Variants in UTS2B observed in about 807,000 individuals in gnomAD.
UTS2B encodes urotensin 2B.
A neutral mutation model predicts 19.2 loss-of-function variants in UTS2B; 21 were observed. That is an observed-to-expected ratio of 1.09 (90% CI 0.78 to 1.58). The LOEUF is 1.58. Among genes scored for constraint, UTS2B ranks in the 40% most tolerant of loss-of-function variants. The pLI, the probability that UTS2B is intolerant of heterozygous loss-of-function variation, is 0.00. For synonymous variants in UTS2B, 57 were observed against 50.2 expected (o/e 1.14, Z -0.58); for missense variants, 138 against 130.3 (o/e 1.06, Z -0.29).
At chr3:191,338,753 A>C in the UTS2B span, among the ~76,000 whole-genome samples, 1 of 152,214 alleles carries the variant, frequency 6.6e-6, no homozygotes, top group South Asian at 2.1e-4. Flanking sequence ...GAGTTGTTCC[A>C]GCTCTCAAAT....
intron 4 of UTS2B, among the ~76,000 whole-genome samples, chr3:191,291,435 T>C (rs1245195064): frequency 6.6e-6 from 1 of 150,492 alleles, no homozygotes; most frequent in Admixed American, 6.7e-5. Flanking sequence ...AGTGAAACTC[T>C]AAAATTTAGG....
chr3:191,272,732 G>A lies in UTS2B; in HGVS notation c.334+2520C>T, dbSNP rs373782270. 1.1e-3 allele frequency among the ~76,000 whole-genome samples: 166 copies of A among 151,688 alleles called. 1 individual carries two copies. The highest frequency in any genetic ancestry group is 3.4e-3 in the African/African-American group (141 of 41,330). Reference sequence around the variant, plus strand: ...AAAAATTAGCTGGGCGTGGTGGTGCGTGCCTGTTATCCTAGCTACTTGGGA... The same window carrying A: ...AAAAATTAGCTGGGCGTGGTGGTGCATGCCTGTTATCCTAGCTACTTGGGA... On this transcript the variant is annotated intron_variant, in intron 8 of 8. Coordinates refer to ENST00000340524, the MANE Select transcript of UTS2B (RefSeq NM_198152.5).
intron 4 of UTS2B, among the ~76,000 whole-genome samples, chr3:191,298,365 T>G (rs1394276156): frequency 6.6e-6 from 1 of 152,170 alleles, no homozygotes; most frequent in Non-Finnish European, 1.5e-5. Context: ...TGGGGTAGAT[T>G]TCCCCCCTGC....
At chr3:191,300,237 A>G (rs976400478) in intron 4 of UTS2B, among the ~76,000 whole-genome samples, 1 of 151,944 alleles carries the variant, frequency 6.6e-6, no homozygotes, top group African/African-American at 2.4e-5. Flanking sequence ...TTTAGTAGAC[A>G]TGGGGTTTCA....
At chr3:191,331,783 C>T (rs900525881), upstream of UTS2B, among the ~76,000 whole-genome samples, 2 of 152,128 alleles carry the variant, frequency 1.3e-5, no homozygotes, top group African/African-American at 4.8e-5. Flanking sequence ...CCCAGTTACT[C>T]CCTAACAGTG....
intron 2 of UTS2B, among the ~76,000 whole-genome samples, chr3:191,323,939 AG>A (rs1717674647): frequency 6.6e-6 from 1 of 152,202 alleles, no homozygotes; most frequent in Admixed American, 6.5e-5. Context: ...AAATACCCTG[AG>A]AGGAGTTGGC....
chr3:191,282,099 A>G lies in UTS2B; in HGVS notation c.91T>C (p.Tyr31His). The change falls in exon 5 of 9, where the codon TAT (tyrosine) becomes CAT (histidine). Residue 31 changes from tyrosine to histidine, a missense_variant. Coordinates refer to ENST00000340524, the MANE Select transcript of UTS2B (RefSeq NM_198152.5). ...GATATGCACGTACCTTGGGTAAGATATGGTCGTCCATGCACAGATTGTAAA... is the reference window on the plus strand; with the variant it reads ...GATATGCACGTACCTTGGGTAAGATGTGGTCGTCCATGCACAGATTGTAAA... ...SFLQSVHGRP[Y>H]LTQGNEIFPD... is the part of the protein sequence containing the mutation. The G allele has an allele frequency of 6.2e-7, 1 of 1,610,978 alleles. No homozygotes were observed.
chr3:191,281,456 A>G (rs1716382581), intron 5 of UTS2B, among the ~76,000 whole-genome samples: 1 of 151,878 alleles, frequency 6.6e-6, no homozygotes, highest in Non-Finnish European at 1.5e-5. Flanking sequence ...AATTATGTAA[A>G]TTATAATATT....
intron 3 of UTS2B, among the ~76,000 whole-genome samples, chr3:191,310,348 G>T (rs1014876513): frequency 1.3e-5 from 2 of 151,894 alleles, no homozygotes; most frequent in African/African-American, 4.8e-5. Context: ...ACAAATAGTA[G>T]GTTTCTTTAC....
At chr3:191,305,742 C>A (rs1717120110) in intron 3 of UTS2B, among the ~76,000 whole-genome samples, 1 of 152,102 alleles carries the variant, frequency 6.6e-6, no homozygotes, top group African/African-American at 2.4e-5. Context: ...TTTGCCCATG[C>A]CTATGTCCTG....
chr3:191,313,887 T>C (rs1252067025), intron 3 of UTS2B, among the ~76,000 whole-genome samples: 1 of 151,976 alleles, frequency 6.6e-6, no homozygotes, highest in Non-Finnish European at 1.5e-5. Flanking sequence ...CCTGCCACCA[T>C]GCCCAACTAA....
intron 4 of UTS2B, among the ~76,000 whole-genome samples, chr3:191,286,848 A>T (rs567485418): frequency 2.0e-5 from 3 of 152,072 alleles, no homozygotes; most frequent in African/African-American, 7.2e-5. Context: ...TGAAAAGATA[A>T]GAAAAATCCA....
chr3:191,311,932 G>A (rs1463500675), intron 3 of UTS2B, among the ~76,000 whole-genome samples: 1 of 151,926 alleles, frequency 6.6e-6, no homozygotes, highest in Non-Finnish European at 1.5e-5. Flanking sequence ...CTCAGGTCAG[G>A]AGTTTGAGAC....
At chr3:191,294,388 G>GA (rs530381536) in intron 4 of UTS2B, among the ~76,000 whole-genome samples, 2 of 151,484 alleles carry the variant, frequency 1.3e-5, no homozygotes, top group African/African-American at 4.9e-5. Context: ...GCCTTTGTAA[G>GA]AAAAAAAACT....
intron 4 of UTS2B, among the ~76,000 whole-genome samples, chr3:191,284,731 G>T (rs1716487235): frequency 6.6e-6 from 1 of 151,500 alleles, no homozygotes; most frequent in Non-Finnish European, 1.5e-5. Context: ...TTATAATTTT[G>T]TTTCACATCT....
chr3:191,278,979 T>G (rs1716311615), intron 5 of UTS2B, among the ~76,000 whole-genome samples: 1 of 152,030 alleles, frequency 6.6e-6, no homozygotes, highest in Non-Finnish European at 1.5e-5. Flanking sequence ...ACTGTTAGAG[T>G]GTGAGTAAAA....
intron 4 of UTS2B, among the ~76,000 whole-genome samples, chr3:191,289,350 A>G (rs1445483489): frequency 6.6e-6 from 1 of 151,920 alleles, no homozygotes; most frequent in Non-Finnish European, 1.5e-5. Context: ...CAGAGCTTGC[A>G]GTGAGTGGAG....
rs116378381 is a variant in UTS2B, at chr3:191,274,402, A to G, written c.334+850T>C. On this transcript the variant is annotated intron_variant, in intron 8 of 8. Coordinates refer to ENST00000340524, the MANE Select transcript of UTS2B (RefSeq NM_198152.5). ...TTAAATTAACTCATGTACTCCTCCC[A>G]ACAATCCCATGAAGATTATTATCAT... Among the ~76,000 whole-genome samples the G allele has an allele frequency of 9.7e-4, 148 of 152,336 alleles. 1 individual carries two copies. The highest frequency in any genetic ancestry group is 3.3e-3 in the African/African-American group (136 of 41,570).
intron 4 of UTS2B, among the ~76,000 whole-genome samples, chr3:191,289,541 G>C (rs922835475): frequency 6.6e-6 from 1 of 152,174 alleles, no homozygotes; most frequent in Middle Eastern, 3.4e-3. Flanking sequence ...CTATGTCTAT[G>C]ATGGGATGAA....
Sources: gnomAD v4.1 joint callset for allele counts (sites outside exome capture counted in the v4.1 genomes callset) on GRCh38, gnomAD v4.1.1 for gene constraint, MANE v1.5 for transcripts, NCBI Gene and HGNC (gene_info 2026-07-23, HGNC 2026-07-21) for gene names.